The following IGF1R variants were observed in gnomAD, a reference collection of about 807,000 sequenced individuals.
IGF1R encodes insulin-like growth factor 1 receptor.
In IGF1R, 44 loss-of-function variants were observed where a neutral mutation model predicts 144.6. The observed-to-expected ratio is 0.30, with a 90% CI of 0.24 to 0.39. IGF1R has a LOEUF of 0.39. Among genes scored for constraint, IGF1R ranks in the 10% least tolerant of loss-of-function variants. The pLI is 1.00. For synonymous variants in IGF1R, 795 were observed against 722.8 expected (o/e 1.10, Z -1.60); for missense variants, 1,355 against 1,833.7 (o/e 0.74, Z 4.77).
intron 2 of IGF1R, among the ~76,000 whole-genome samples, chr15:98,732,002 A>T (rs1035120898): frequency 6.6e-6 from 1 of 152,190 alleles, no homozygotes; most frequent in African/African-American, 2.4e-5. Flanking sequence ...TTGGGCGTGC[A>T]GCATTCGTAT....
intron 2 of IGF1R, among the ~76,000 whole-genome samples, chr15:98,881,760 G>C (rs2013394351): frequency 6.6e-6 from 1 of 152,188 alleles, no homozygotes; most frequent in African/African-American, 2.4e-5. Context: ...GTGTGCTCTT[G>C]GTGTGAACAT....
chr15:98,696,989 G>A (rs1406354970), intron 1 of IGF1R, among the ~76,000 whole-genome samples: 1 of 152,172 alleles, frequency 6.6e-6, no homozygotes, highest in Non-Finnish European at 1.5e-5. Flanking sequence ...TTGGATGAGC[G>A]TGCAGTGGAA....
chr15:98,828,356 C>T (rs1018166257), intron 2 of IGF1R, among the ~76,000 whole-genome samples: 16 of 152,080 alleles, frequency 1.1e-4, no homozygotes, highest in Admixed American at 3.9e-4. Context: ...TCTGCCTGCT[C>T]GTATAAGACA....
At chr15:98,900,294 T>G (rs1405326376) in intron 5 of IGF1R, among the ~76,000 whole-genome samples, 3 of 152,246 alleles carry the variant, frequency 2.0e-5, no homozygotes, top group Non-Finnish European at 4.4e-5. Flanking sequence ...CCTTTGCATA[T>G]GTACTTTTCT....
At chr15:98,896,630 T>C in intron 3 of IGF1R, 127 bp from the exon 4 acceptor site, 1 of 1,003,500 alleles carries the variant, frequency 1.0e-6, no homozygotes, top group Non-Finnish European at 1.5e-6. Context: ...ACATGAACAC[T>C]TCAAAACAGT....
intron 1 of IGF1R, among the ~76,000 whole-genome samples, chr15:98,661,907 GTCC>G (rs1485870169): frequency 2.6e-4 from 39 of 149,790 alleles, no homozygotes; most frequent in Admixed American, 2.6e-3. Context: ...GGGGCCTCCA[GTCC>G]TCCTTCCCCA....
At chr15:98,654,855 C>A (rs2052448741) in intron 1 of IGF1R, among the ~76,000 whole-genome samples, 1 of 152,162 alleles carries the variant, frequency 6.6e-6, no homozygotes, top group African/African-American at 2.4e-5. Flanking sequence ...ACTTTAGAGA[C>A]AACAAAGTGC....
chr15:98,750,239 C>T (rs547753354), intron 2 of IGF1R, among the ~76,000 whole-genome samples: 1 of 152,324 alleles, frequency 6.6e-6, no homozygotes, highest in South Asian at 2.1e-4. Context: ...TGGCTGTGCT[C>T]CCTTGTTGGG....
chr15:98,953,320 C>G (rs1375323000), intron 20 of IGF1R, among the ~76,000 whole-genome samples: 1 of 152,216 alleles, frequency 6.6e-6, no homozygotes, highest in Non-Finnish European at 1.5e-5. Flanking sequence ...GTCTGAGTCT[C>G]AACGCCATGA....
chr15:98,800,823 G>A lies in IGF1R; in HGVS notation c.641-90502G>A, dbSNP rs184047002. Among the ~76,000 whole-genome samples, 5 of 152,292 alleles carry A rather than the reference G, an allele frequency of 3.3e-5. No individual in the cohort carries two copies. In the East Asian group the frequency reaches 5.8e-4, roughly 18 times the overall value. ...GCGAAGCAGGCTTTTTATGAATGAG[G>A]CCCAGAAGGGGGAGGAGAGGGCTTG... On this transcript the variant is annotated intron_variant, in intron 2 of 20. Coordinates refer to ENST00000650285, the MANE Select transcript of IGF1R (RefSeq NM_000875.5).
chr15:98,734,196 T>C (rs2054560415), intron 2 of IGF1R, among the ~76,000 whole-genome samples: 1 of 152,218 alleles, frequency 6.6e-6, no homozygotes, highest in Admixed American at 6.5e-5. Flanking sequence ...GGAAGATCGC[T>C]CAGGCTTTGT....
chr15:98,822,897 T>C (rs45579436), intron 2 of IGF1R, among the ~76,000 whole-genome samples: 3,771 of 152,280 alleles, frequency 0.025, 163 homozygotes, highest in African/African-American at 0.085. Context: ...ATTCTCTGAG[T>C]CTTAGAAGCG....
At chr15:98,879,815 A>G (rs1177830570) in intron 2 of IGF1R, among the ~76,000 whole-genome samples, 2 of 152,234 alleles carry the variant, frequency 1.3e-5, no homozygotes, top group African/African-American at 4.8e-5. Flanking sequence ...GTACTGATAT[A>G]TGCCACACCA....
intron 2 of IGF1R, among the ~76,000 whole-genome samples, chr15:98,843,371 T>C (rs938485340): frequency 1.3e-5 from 2 of 152,166 alleles, no homozygotes; most frequent in Non-Finnish European, 2.9e-5. Flanking sequence ...TGACAGATAC[T>C]GTGCGAGATA....
chr15:98,946,389 A>ACC (rs1458169881), intron 19 of IGF1R, among the ~76,000 whole-genome samples: 1 of 152,122 alleles, frequency 6.6e-6, no homozygotes, highest in East Asian at 1.9e-4. Context: ...AGGTTTCTGA[A>ACC]CCAGAGGGTG....
At chr15:98,839,026 G>T (rs2011131952) in intron 2 of IGF1R, among the ~76,000 whole-genome samples, 1 of 152,202 alleles carries the variant, frequency 6.6e-6, no homozygotes, top group South Asian at 2.1e-4. Flanking sequence ...AGGCCACTGG[G>T]TTTCACAAAC....
At chr15:98,876,329 AG>A (rs1567173184) in intron 2 of IGF1R, among the ~76,000 whole-genome samples, 46 of 137,826 alleles carry the variant, frequency 3.3e-4, no homozygotes, top group African/African-American at 1.2e-3. Flanking sequence ...AAAAAAAAAG[AG>A]AGAGAGAGTC....
chr15:98,688,211 C>T (rs1349361857), intron 1 of IGF1R, among the ~76,000 whole-genome samples: 2 of 152,088 alleles, frequency 1.3e-5, no homozygotes, highest in Non-Finnish European at 2.9e-5. Context: ...CCCTGGCCAG[C>T]CCTGGCCCAA....
chr15:98,939,151 GAAAA>G, intron 17 of IGF1R, 46 bp from the exon 18 acceptor site: 1 of 1,437,506 alleles, frequency 7.0e-7, no homozygotes, highest in Non-Finnish European at 9.7e-7. Flanking sequence ...AATTGGCATG[GAAAA>G]AAAAAATCCA....
Sources: gnomAD v4.1 joint callset for allele counts (sites outside exome capture counted in the v4.1 genomes callset) on GRCh38, gnomAD v4.1.1 for gene constraint, MANE v1.5 for transcripts, NCBI Gene and HGNC (gene_info 2026-07-23, HGNC 2026-07-21) for gene names.